The following SEMA5A variants were observed in gnomAD, a reference collection of about 807,000 sequenced individuals.
SEMA5A encodes semaphorin 5A, also known as semaphorin-5A.
A neutral mutation model predicts 135.5 loss-of-function variants in SEMA5A; 55 were observed. That is an observed-to-expected ratio of 0.41 (90% CI 0.33 to 0.51). The LOEUF is 0.51. Among genes scored for constraint, SEMA5A ranks in the 20% least tolerant of loss-of-function variants. The probability of loss-of-function intolerance (pLI) is 0.37; values close to 1 mark genes in which losing one functional copy is unlikely to be tolerated. For synonymous variants in SEMA5A, 580 were observed against 546.5 expected, an observed-to-expected ratio of 1.06 and a Z score of -0.85; for missense variants, 1,290 against 1,419.9, an observed-to-expected ratio of 0.91 and a Z score of 1.47.
intron 5 of SEMA5A, among the ~76,000 whole-genome samples, chr5:9,288,253 C>T (rs910530415): frequency 2.0e-5 from 3 of 152,152 alleles, no homozygotes; most frequent in African/African-American, 7.2e-5. Context: ...CACAAGAGTT[C>T]CCAGTGGCTA....
chr5:9,407,452 C>T (rs1304075665), intron 2 of SEMA5A, among the ~76,000 whole-genome samples: 1 of 152,142 alleles, frequency 6.6e-6, no homozygotes, highest in Non-Finnish European at 1.5e-5. Flanking sequence ...CTTCTGTTAC[C>T]ACAGTAATAA....
intron 15 of SEMA5A, among the ~76,000 whole-genome samples, chr5:9,112,460 T>C (rs1740293533): frequency 6.6e-6 from 1 of 152,222 alleles, no homozygotes; most frequent in African/African-American, 2.4e-5. Context: ...CTTGCTTCAC[T>C]CTAAATGATC....
rs146884609 is a variant in SEMA5A at position 9,350,425 on chromosome 5, A to G, written c.125-12613T>C. On this transcript the variant is annotated intron_variant, in intron 3 of 22. Transcript: ENST00000382496. Reference sequence around the variant, plus strand: ...GTCTTTGACTGGCTGCTGGGAAATAATATCTAAGCCCTTACAATATTCTGC... The same window carrying G: ...GTCTTTGACTGGCTGCTGGGAAATAGTATCTAAGCCCTTACAATATTCTGC... Among the ~76,000 whole-genome samples the G allele has an allele frequency of 5.2e-3, 790 of 152,290 alleles. 5 individuals are homozygous for G. The highest frequency in any genetic ancestry group is 0.018 in the African/African-American group (761 of 41,550).
At chr5:9,471,575 A>G in intron 1 of SEMA5A, among the ~76,000 whole-genome samples, 1 of 152,232 alleles carries the variant, frequency 6.6e-6, no homozygotes, top group East Asian at 1.9e-4. Context: ...AATTAAAAAA[A>G]CATTTTTAGC....
At chr5:9,399,228 G>A (rs1756540015) in intron 2 of SEMA5A, among the ~76,000 whole-genome samples, 1 of 152,174 alleles carries the variant, frequency 6.6e-6, no homozygotes, top group Non-Finnish European at 1.5e-5. Flanking sequence ...GAGAACAGAT[G>A]AAGAAAATGT....
chr5:9,137,325 C>T (rs1392983188), intron 12 of SEMA5A, among the ~76,000 whole-genome samples: 1 of 152,022 alleles, frequency 6.6e-6, no homozygotes, highest in Admixed American at 6.6e-5. Context: ...CTATAATATC[C>T]TACATATGAT....
At chr5:9,490,044 C>G (rs901546215) in intron 1 of SEMA5A, among the ~76,000 whole-genome samples, 3 of 152,168 alleles carry the variant, frequency 2.0e-5, no homozygotes, top group Non-Finnish European at 4.4e-5. Flanking sequence ...TTCTTATCTA[C>G]TCCCCAAACA....
chr5:9,106,884 G>C (rs1465915494), intron 16 of SEMA5A, among the ~76,000 whole-genome samples: 1 of 152,182 alleles, frequency 6.6e-6, no homozygotes. Flanking sequence ...AGCTACGACA[G>C]TATCTTTTCC....
intron 5 of SEMA5A, among the ~76,000 whole-genome samples, chr5:9,277,216 G>T (rs1010480814): frequency 1.3e-5 from 2 of 152,310 alleles, no homozygotes; most frequent in Non-Finnish European, 2.9e-5. Flanking sequence ...TGAAAAAAAT[G>T]CTCATCATCA....
chr5:9,519,510 T>G (rs1579675336), intron 1 of SEMA5A, among the ~76,000 whole-genome samples: 1 of 152,248 alleles, frequency 6.6e-6, no homozygotes, highest in Non-Finnish European at 1.5e-5. Flanking sequence ...CGTTTTAATT[T>G]GGTGCTAATT....
intron 15 of SEMA5A, among the ~76,000 whole-genome samples, chr5:9,109,226 G>T (rs1460562008): frequency 6.6e-6 from 1 of 151,160 alleles, no homozygotes; most frequent in Non-Finnish European, 1.5e-5. Context: ...ATTTTTAGTA[G>T]AGACGGGGTT....
chr5:9,303,753 A>G (rs1751727915), intron 5 of SEMA5A, among the ~76,000 whole-genome samples: 2 of 152,192 alleles, frequency 1.3e-5, no homozygotes, highest in South Asian at 2.1e-4. Flanking sequence ...ATATTTTTAA[A>G]GGAATACATT....
At position 9,192,184 on chromosome 5, in the gene SEMA5A, C is replaced by T. The variant is rs559310571; in HGVS notation, c.1069-1713G>A. Among the ~76,000 whole-genome samples, 44 of 152,330 alleles carry T rather than the reference C, an allele frequency of 2.9e-4. No homozygotes were observed. The East Asian group carries it at 4.3e-3, about 15-fold the overall frequency. On this transcript the variant is annotated intron_variant, in intron 10 of 22. Transcript: ENST00000382496. Reference sequence around the variant, plus strand: ...CATGACCCAAGTGCTACTCTGGCTCCGTGGCTCTCAAGCCACATGGAATCA... The same window carrying T: ...CATGACCCAAGTGCTACTCTGGCTCTGTGGCTCTCAAGCCACATGGAATCA...
At chr5:9,342,133 G>C (rs1014273567) in intron 3 of SEMA5A, among the ~76,000 whole-genome samples, 2 of 151,922 alleles carry the variant, frequency 1.3e-5, no homozygotes, top group African/African-American at 4.8e-5. Flanking sequence ...GAAAAAGAAA[G>C]GGAAAGAGGG....
At chr5:9,189,781 G>C (rs1806134) in intron 11 of SEMA5A, among the ~76,000 whole-genome samples, 4 of 152,206 alleles carry the variant, frequency 2.6e-5, no homozygotes, top group Admixed American at 6.5e-5. Context: ...GCCTACATTT[G>C]CTGTAAATGT....
At chr5:9,534,877 C>G (rs560450914) in intron 1 of SEMA5A, among the ~76,000 whole-genome samples, 8 of 152,322 alleles carry the variant, frequency 5.3e-5, no homozygotes, top group African/African-American at 1.7e-4. Context: ...AATAGATACT[C>G]TCTTTAAAAA....
At chr5:9,437,084 A>G (rs916679977) in intron 2 of SEMA5A, among the ~76,000 whole-genome samples, 3 of 152,192 alleles carry the variant, frequency 2.0e-5, no homozygotes, top group Admixed American at 6.5e-5. Context: ...GGGACTGCAG[A>G]AGGTCCCAGG....
intron 1 of SEMA5A, among the ~76,000 whole-genome samples, chr5:9,462,118 C>T (rs1194153381): frequency 2.0e-5 from 3 of 152,140 alleles, no homozygotes; most frequent in Non-Finnish European, 4.4e-5. Context: ...GTATCTCTAT[C>T]CCAAACCTAA....
chr5:9,234,210 G>A (rs948754093), intron 6 of SEMA5A, among the ~76,000 whole-genome samples: 1 of 152,162 alleles, frequency 6.6e-6, no homozygotes, highest in Non-Finnish European at 1.5e-5. Flanking sequence ...GGAAATGTGG[G>A]TTGTCTGAAT....
Sources: allele counts gnomAD v4.1 joint callset (sites outside exome capture counted in the v4.1 genomes callset), GRCh38; gene constraint gnomAD v4.1.1; transcripts MANE v1.5; gene names NCBI Gene and HGNC (gene_info 2026-07-23, HGNC 2026-07-21).